The following INPP4B variants were observed in gnomAD, a reference collection of about 807,000 sequenced individuals.
INPP4B encodes inositol polyphosphate 4-phosphatase type II.
A neutral mutation model predicts 122.5 loss-of-function variants in INPP4B; 55 were observed. The ratio of observed to expected loss-of-function variants is 0.45; its 90% CI spans 0.36 to 0.56. INPP4B has a LOEUF of 0.56. INPP4B is among the 20% of genes least tolerant of loss of function. INPP4B has a pLI of 0.00. For synonymous variants in INPP4B, 403 were observed against 388.7 expected (o/e 1.04, Z -0.43); for missense variants, 1,000 against 1,097.7 (o/e 0.91, Z 1.26).
chr4:142,628,358 C>T (rs1249975141), intron 2 of INPP4B, among the ~76,000 whole-genome samples: 1 of 138,716 alleles, frequency 7.2e-6, no homozygotes, highest in Admixed American at 7.5e-5. Flanking sequence ...GGGAACTGAA[C>T]AATGAGATCA....
At chr4:142,738,293 G>T (rs1239456779) in intron 1 of INPP4B, among the ~76,000 whole-genome samples, 2 of 152,138 alleles carry the variant, frequency 1.3e-5, no homozygotes, top group Non-Finnish European at 2.9e-5. Flanking sequence ...AAAATGATGA[G>T]TTCATGTCCT....
chr4:142,289,924 C>A (rs1755613213), intron 9 of INPP4B, among the ~76,000 whole-genome samples: 1 of 152,110 alleles, frequency 6.6e-6, no homozygotes, highest in African/African-American at 2.4e-5. Flanking sequence ...CAAAATGTAT[C>A]CAGAATGTGA....
At position 142,238,618 on chromosome 4, in the gene INPP4B, G is replaced by A. The variant is rs901961041; in HGVS notation, c.689-607C>T. The stretch of plus-strand genomic sequence containing the variant: ...ATTCAAATACCAAGCATACTTTAGT[G>A]CCAATGAGTCAATAACACACTTTTC... On this transcript the variant is annotated intron_variant, in intron 11 of 25. Transcript: ENST00000262992. 2.6e-5 allele frequency among the ~76,000 whole-genome samples: 4 copies of A among 152,148 alleles called. No homozygotes were observed. In the East Asian group the frequency reaches 7.7e-4, roughly 29 times the overall value.
chr4:142,061,576 T>C (rs565320835), intron 25 of INPP4B, among the ~76,000 whole-genome samples: 4 of 152,202 alleles, frequency 2.6e-5, no homozygotes, highest in Non-Finnish European at 5.9e-5. Flanking sequence ...TCTCAATTTG[T>C]CTTATTTTAA....
chr4:142,246,115 TA>T (rs1728658804), intron 11 of INPP4B, among the ~76,000 whole-genome samples: 1 of 140,814 alleles, frequency 7.1e-6, no homozygotes, highest in Non-Finnish European at 1.5e-5. Context: ...CACATATATA[TA>T]TGTGTATGTA....
At chr4:142,804,088 A>AATAAATAAATATATAT (rs577333028) in intron 1 of INPP4B, among the ~76,000 whole-genome samples, 1 of 151,134 alleles carries the variant, frequency 6.6e-6, no homozygotes, top group African/African-American at 2.4e-5. Context: ...TAAATAAATA[A>AATAAATAAATATATAT]ATAAATAAAT....
chr4:142,141,381 A>AT (rs1476179938), intron 18 of INPP4B, among the ~76,000 whole-genome samples: 2 of 152,120 alleles, frequency 1.3e-5, no homozygotes, highest in Non-Finnish European at 2.9e-5. Context: ...ATATTCACTG[A>AT]TTTTATCTTT....
rs528291570 is a variant in INPP4B at position 142,335,835 on chromosome 4, GAGAC to G, written c.373-21077_373-21074del. Among the ~76,000 whole-genome samples the G allele has an allele frequency of 5.3e-5, 8 of 152,322 alleles. No individual in the cohort carries two copies. In the South Asian group the frequency reaches 1.2e-3, roughly 24 times the overall value. ...AATGTGTAACCACTGATAGTGGCAG[GAGAC>G]AGACAAATTCCTCGCCAGACAAGGG... On this transcript the variant is annotated intron_variant, in intron 7 of 25. Transcript: ENST00000262992.
chr4:142,426,494 T>C (rs556028926), intron 5 of INPP4B: 1 of 152,024 alleles, frequency 6.6e-6, no homozygotes, highest in East Asian at 1.9e-4. Flanking sequence ...TAGGGGTGAA[T>C]TATTTAATTT....
chr4:142,551,760 G>C (rs2150079175), intron 2 of INPP4B, among the ~76,000 whole-genome samples: 1 of 152,186 alleles, frequency 6.6e-6, no homozygotes, highest in South Asian at 2.1e-4. Flanking sequence ...AGTGACATAT[G>C]GCCAACAGAA....
chr4:142,633,496 A>G (rs1748437104), intron 2 of INPP4B, among the ~76,000 whole-genome samples: 1 of 152,184 alleles, frequency 6.6e-6, no homozygotes, highest in South Asian at 2.1e-4. Context: ...GACTATCTTA[A>G]CACACTTAAA....
chr4:142,653,611 A>T (rs1462370764), intron 2 of INPP4B, among the ~76,000 whole-genome samples: 2 of 152,370 alleles, frequency 1.3e-5, no homozygotes, highest in East Asian at 3.9e-4. Flanking sequence ...CAACAGACAC[A>T]TGAAAAAATG....
At chr4:142,398,085 C>A (rs1179651102) in intron 7 of INPP4B, among the ~76,000 whole-genome samples, 3 of 151,086 alleles carry the variant, frequency 2.0e-5, no homozygotes, top group Admixed American at 6.6e-5. Context: ...TTAAAAAAAA[C>A]ATATAACAGC....
chr4:142,125,906 A>T (rs561594437), intron 18 of INPP4B, among the ~76,000 whole-genome samples: 76 of 152,300 alleles, frequency 5.0e-4, no homozygotes, highest in African/African-American at 1.6e-3. Flanking sequence ...TACAATAAAT[A>T]TAAAAAGTTT....
intron 2 of INPP4B, among the ~76,000 whole-genome samples, chr4:142,617,521 C>A (rs1743975361): frequency 6.6e-6 from 1 of 152,090 alleles, no homozygotes; most frequent in African/African-American, 2.4e-5. Context: ...TGGAGAGACA[C>A]CTCTAGCACA....
At chr4:142,746,858 T>C (rs1034407116) in intron 1 of INPP4B, among the ~76,000 whole-genome samples, 3 of 152,170 alleles carry the variant, frequency 2.0e-5, no homozygotes, top group Admixed American at 6.5e-5. Flanking sequence ...TTACACCTTA[T>C]GCAAAAATTA....
At chr4:142,129,101 T>C (rs1306958344) in intron 18 of INPP4B, among the ~76,000 whole-genome samples, 1 of 152,180 alleles carries the variant, frequency 6.6e-6, no homozygotes, top group Non-Finnish European at 1.5e-5. Context: ...ACAGAAGAAA[T>C]GAGCCAGCTC....
chr4:142,050,634 T>C (rs1754026573), intron 25 of INPP4B, among the ~76,000 whole-genome samples: 1 of 152,048 alleles, frequency 6.6e-6, no homozygotes, highest in East Asian at 1.9e-4. Context: ...ATTCTCTTCC[T>C]ACCTGTGCTA....
chr4:142,400,869 A>G (rs906069322), intron 7 of INPP4B, among the ~76,000 whole-genome samples: 1 of 152,218 alleles, frequency 6.6e-6, no homozygotes, highest in Admixed American at 6.5e-5. Context: ...CAAAGCATTA[A>G]CATTCATGCA....
Sources: allele counts gnomAD v4.1 joint callset (sites outside exome capture counted in the v4.1 genomes callset), GRCh38; gene constraint gnomAD v4.1.1; transcripts MANE v1.5; gene names NCBI Gene and HGNC (gene_info 2026-07-23, HGNC 2026-07-21).